Variants in LNPEP observed in about 807,000 individuals in gnomAD.
LNPEP encodes leucyl and cystinyl aminopeptidase.
In LNPEP, 64 loss-of-function variants were observed where a neutral mutation model predicts 120.6. That is an observed-to-expected ratio of 0.53 (90% CI 0.43 to 0.65). The LOEUF (loss-of-function observed/expected upper bound fraction) is 0.65, where lower values mean the gene tolerates loss of function less well. LNPEP is among the 30% of genes least tolerant of loss of function. The pLI, the probability that LNPEP is intolerant of heterozygous loss-of-function variation, is 0.00. For synonymous variants in LNPEP, 435 were observed against 425.4 expected, an observed-to-expected ratio of 1.02 and a Z score of -0.28; for missense variants, 1,057 against 1,200.0, an observed-to-expected ratio of 0.88 and a Z score of 1.76.
chr5:96,966,601 A>C (rs1440305066), intron 1 of LNPEP, among the ~76,000 whole-genome samples: 3 of 150,338 alleles, frequency 2.0e-5, no homozygotes, highest in Non-Finnish European at 4.4e-5. Context: ...TGGCTTTACC[A>C]CTTAGTATAT....
At chr5:96,972,976 G>A (rs1282268200) in intron 1 of LNPEP, among the ~76,000 whole-genome samples, 1 of 152,096 alleles carries the variant, frequency 6.6e-6, no homozygotes, top group Non-Finnish European at 1.5e-5. Flanking sequence ...TAAAGGTGTT[G>A]TGAAAAAGCA....
intron 1 of LNPEP, among the ~76,000 whole-genome samples, chr5:96,951,493 C>T (rs1184811234): frequency 6.6e-6 from 1 of 152,024 alleles, no homozygotes; most frequent in Non-Finnish European, 1.5e-5. Context: ...CTCCTGACCT[C>T]GTGATCCACC....
rs575767690 is a variant in LNPEP, at chr5:97,029,023, A to G, written c.*490A>G. ...TGGTAACGAAGACAATAAAGCATGC[A>G]CTGTAAGAACTGACCTCAGGTGTGC... On this transcript the variant is annotated 3_prime_UTR_variant, in exon 18 of 18. Coordinates refer to ENST00000231368, the MANE Select transcript of LNPEP (RefSeq NM_005575.3). 1.9e-5 allele frequency: 3 copies of G among 153,996 alleles called. No homozygotes were observed. The highest frequency in any genetic ancestry group is 6.5e-5 in the Admixed American group (1 of 15,424). 9.5% of individuals were successfully genotyped at this position (153,996 alleles called of 1,614,324 possible). A position where few individuals can be genotyped will look rare whatever the true frequency, so the allele number is the denominator to read the frequency against.
chr5:97,031,434 TCTA>T lies in LNPEP; in HGVS notation c.*2904_*2906del, dbSNP rs1317411653. The T allele has an allele frequency of 6.6e-6, 1 of 152,218 alleles. No homozygotes were observed. The highest frequency in any genetic ancestry group is 1.5e-5 in the Non-Finnish European group (1 of 68,044). The allele number at this position is 152,218 out of a possible 1,614,324, so 9.4% of individuals were successfully genotyped here. A position where few individuals can be genotyped will look rare whatever the true frequency, so the allele number is the denominator to read the frequency against. On this transcript the variant is annotated 3_prime_UTR_variant, in exon 18 of 18. Coordinates refer to ENST00000231368, the MANE Select transcript of LNPEP (RefSeq NM_005575.3). Reference sequence around the variant, plus strand: ...CATGAACTTTCTTACTATCACAGGTTCTACTTTAATTTTCCTTGCCATATGTGT... The same window carrying T: ...CATGAACTTTCTTACTATCACAGGTTCTTTAATTTTCCTTGCCATATGTGT...
At position 97,036,647 on chromosome 5, in the gene LNPEP, T is replaced by G. The variant is rs1372829648; in HGVS notation, c.*8114T>G. The G allele has an allele frequency of 6.6e-6, 1 of 152,150 alleles. No individual in the cohort carries two copies. The highest frequency in any genetic ancestry group is 1.5e-5 in the Non-Finnish European group (1 of 68,020). 9.4% of individuals were successfully genotyped at this position (152,150 alleles called of 1,614,324 possible). A position where few individuals can be genotyped will look rare whatever the true frequency, so the allele number is the denominator to read the frequency against. ...CTCTTAGCATTGTTTGTTTTCCCAT[T>G]TCTGATACTACTACTCCATGCTGAA... On this transcript the variant is annotated 3_prime_UTR_variant, in exon 18 of 18. Coordinates refer to ENST00000231368, the MANE Select transcript of LNPEP (RefSeq NM_005575.3).
At chr5:97,022,213 G>A (rs1791217893) in intron 13 of LNPEP, 87 bp from the exon 14 acceptor site, 2 of 825,320 alleles carry the variant, frequency 2.4e-6, no homozygotes, top group South Asian at 3.5e-5. Flanking sequence ...ACAGGCACGA[G>A]ACACTGCACC....
intron 1 of LNPEP, among the ~76,000 whole-genome samples, chr5:96,954,618 CTA>C (rs1168984975): frequency 0.027 from 1,568 of 57,478 alleles, 322 homozygotes; most frequent in Non-Finnish European, 0.039. Flanking sequence ...CTCTCTCTCT[CTA>C]TATATATATA....
intron 14 of LNPEP, among the ~76,000 whole-genome samples, chr5:97,022,855 TC>T (rs1791240757): frequency 1.4e-5 from 2 of 144,566 alleles, no homozygotes; most frequent in African/African-American, 5.1e-5. Flanking sequence ...TTCTCATTGT[TC>T]AATTCCCACC....
chr5:96,981,898 G>T (rs1262653469), intron 2 of LNPEP, among the ~76,000 whole-genome samples: 2 of 152,010 alleles, frequency 1.3e-5, no homozygotes, highest in Non-Finnish European at 2.9e-5. Flanking sequence ...GTTTCTAACA[G>T]AATTTAATTC....
At chr5:97,003,622 T>A in intron 9 of LNPEP, 76 bp downstream of exon 9, 1 of 1,029,094 alleles carries the variant, frequency 9.7e-7, no homozygotes, top group Non-Finnish European at 1.4e-6. Flanking sequence ...TTTTAGCATG[T>A]GTGTAAGTTA....
At chr5:97,011,056 G>C (rs766167731) in intron 11 of LNPEP, 125 of 985,254 alleles carry the variant, frequency 1.3e-4, no homozygotes, top group Non-Finnish European at 1.5e-4. Context: ...GACTTGGCTA[G>C]GTTTACAACA....
Position 97,024,669 on chromosome 5 carries a change from C to A in LNPEP, c.2710C>A (p.Arg904=). 1.2e-6 allele frequency: 2 copies of A among 1,613,310 alleles called. No individual in the cohort carries two copies. The highest frequency in any genetic ancestry group is 1.7e-6 in the Non-Finnish European group (2 of 1,179,592). The stretch of plus-strand genomic sequence containing the variant: ...AGCACTTGCCAGCTCAGAGGATGTG[C>A]GGAAGCTTTACTGGTATGAAATCAC... ...LEALASSEDV[R]KLYWLMKSSL... Residue 904 remains arginine, a synonymous_variant, in exon 15 of 18, where the codon CGG becomes AGG. Coordinates refer to ENST00000231368, the MANE Select transcript of LNPEP (RefSeq NM_005575.3).
At chr5:96,965,892 T>C (rs1029851389) in intron 1 of LNPEP, among the ~76,000 whole-genome samples, 1 of 152,154 alleles carries the variant, frequency 6.6e-6, no homozygotes, top group African/African-American at 2.4e-5. Context: ...ATGATTAAGA[T>C]TTGTATTATA....
intron 8 of LNPEP, among the ~76,000 whole-genome samples, chr5:96,999,482 A>G (rs1407189188): frequency 6.6e-6 from 1 of 152,224 alleles, no homozygotes; most frequent in African/African-American, 2.4e-5. Context: ...TCAGGAGTTC[A>G]GTTAGCTATA....
At chr5:97,021,740 C>G (rs1413297272) in intron 13 of LNPEP, among the ~76,000 whole-genome samples, 3 of 152,018 alleles carry the variant, frequency 2.0e-5, no homozygotes, top group African/African-American at 4.8e-5. Flanking sequence ...TAAAAGTCCC[C>G]CTTAGCTATA....
chr5:96,996,545 G>GA (rs1206322475), intron 7 of LNPEP, 42 bp downstream of exon 7: 4 of 965,386 alleles, frequency 4.1e-6, no homozygotes, highest in Non-Finnish European at 6.7e-6. Context: ...ATGCTAGGAG[G>GA]AAAAATAGTC....
chr5:97,010,847 A>G (rs1408098965), intron 11 of LNPEP: 1 of 985,274 alleles, frequency 1.0e-6, no homozygotes, highest in Non-Finnish European at 1.2e-6. Context: ...CAAAGCTATT[A>G]TTTTTCAATA....
chr5:97,030,352 T>C lies in LNPEP; in HGVS notation c.*1819T>C, dbSNP rs766647262. 4 of 152,186 alleles carry C rather than the reference T, an allele frequency of 2.6e-5. No individual in the cohort carries two copies. In the East Asian group the frequency reaches 5.8e-4, roughly 22 times the overall value. The allele number at this position is 152,186 out of a possible 1,614,324, so 9.4% of individuals were successfully genotyped here. ...GTTAAATGAATGATAATTTAGTTGA[T>C]AGTGAAAGTTAATGTGTTTTTATAT... On this transcript the variant is annotated 3_prime_UTR_variant, in exon 18 of 18. Coordinates refer to ENST00000231368, the MANE Select transcript of LNPEP (RefSeq NM_005575.3).
At chr5:96,993,455 G>A (rs149022659) in intron 5 of LNPEP, among the ~76,000 whole-genome samples, 72 of 152,238 alleles carry the variant, frequency 4.7e-4, no homozygotes, top group African/African-American at 1.7e-3. Context: ...ACTGAGTAAC[G>A]GGAGCTCAGG....
Sources: gnomAD v4.1 joint callset for allele counts (sites outside exome capture counted in the v4.1 genomes callset) on GRCh38, gnomAD v4.1.1 for gene constraint, MANE v1.5 for transcripts, NCBI Gene and HGNC (gene_info 2026-07-23, HGNC 2026-07-21) for gene names.